Variants in NALCN observed in about 807,000 individuals in gnomAD.
NALCN encodes the protein sodium leak channel NALCN.
A neutral mutation model predicts 225.3 loss-of-function variants in NALCN; 111 were observed. That is an observed-to-expected ratio of 0.49 (90% CI 0.42 to 0.58). The LOEUF (loss-of-function observed/expected upper bound fraction) is 0.58. Ranked by LOEUF, NALCN falls within the 20% of genes least tolerant of loss-of-function variation. NALCN has a pLI of 0.00. For synonymous variants in NALCN, 764 were observed against 769.0 expected (o/e 0.99, Z 0.11); for missense variants, 1,378 against 2,202.4 (o/e 0.63, Z 7.49).
chr13:101,059,926 C>G lies in NALCN; in HGVS notation c.4797G>C (p.Glu1599Asp). Reference sequence around the variant, plus strand: ...ACCGGCTCAGCTCTTGCTGCTGACTCTCTCTCAGGCTGTGGATGATACTGC... The same window carrying G: ...ACCGGCTCAGCTCTTGCTGCTGACTGTCTCTCAGGCTGTGGATGATACTGC... ...QSCSIIHSLR[E>D]SQQQELSRFL... Residue 1599 changes from glutamate (E) to aspartate (D), a missense_variant, in exon 42 of 44, where the codon GAG (glutamate) becomes GAC (aspartate). Physicochemically the swap from Glu to Asp is conservative, Grantham distance 45. Transcript: ENST00000251127. 6 of 1,614,058 alleles carry G rather than the reference C, an allele frequency of 3.7e-6. No homozygotes were observed. The highest frequency in any genetic ancestry group is 5.1e-6 in the Non-Finnish European group (6 of 1,180,016).
chr13:101,100,503 T>G (rs1293829046), intron 27 of NALCN, among the ~76,000 whole-genome samples: 2 of 152,172 alleles, frequency 1.3e-5, no homozygotes, highest in Non-Finnish European at 2.9e-5. Flanking sequence ...TCTTAGGGTT[T>G]TATAGGGAGT....
At chr13:101,117,302 G>T (rs1259001322) in intron 18 of NALCN, among the ~76,000 whole-genome samples, 1 of 152,170 alleles carries the variant, frequency 6.6e-6, no homozygotes, top group Non-Finnish European at 1.5e-5. Context: ...TGCCTTTCGT[G>T]CATCTATTAA....
At chr13:101,272,128 T>C (rs1344276396) in intron 10 of NALCN, among the ~76,000 whole-genome samples, 3 of 151,608 alleles carry the variant, frequency 2.0e-5, no homozygotes, top group African/African-American at 4.8e-5. Flanking sequence ...TGTGTGTGTT[T>C]GAGGTGTGTG....
At chr13:101,290,682 G>A (rs964832766) in intron 9 of NALCN, among the ~76,000 whole-genome samples, 8 of 152,200 alleles carry the variant, frequency 5.3e-5, no homozygotes, top group African/African-American at 1.7e-4. Context: ...ACACCACCAG[G>A]CTTTTCCCAA....
intron 22 of NALCN, 139 bp downstream of exon 22, chr13:101,107,348 G>A: frequency 7.0e-7 from 1 of 1,419,322 alleles, no homozygotes; most frequent in Non-Finnish European, 9.5e-7. Context: ...GTTCAGCAAA[G>A]AGGAGCAGCA....
chr13:101,078,584 A>C (rs570120367), intron 34 of NALCN, among the ~76,000 whole-genome samples: 15 of 152,176 alleles, frequency 9.9e-5, no homozygotes, highest in Non-Finnish European at 2.2e-4. Flanking sequence ...TCCCATTTGG[A>C]ATGGGTATAT....
chr13:101,107,454 G>T (rs759236123), intron 22 of NALCN, 33 bp downstream of exon 22: 101 of 1,613,190 alleles, frequency 6.3e-5, no homozygotes, highest in Middle Eastern at 3.5e-4. Context: ...CATGGCTCAG[G>T]CCAAACACCT....
chr13:101,376,653 T>A (rs773436652), intron 6 of NALCN, 47 bp downstream of exon 6: 3 of 1,552,964 alleles, frequency 1.9e-6, no homozygotes, highest in South Asian at 1.3e-5. Flanking sequence ...TACAGAGATA[T>A]CTTTGTTAAT....
intron 40 of NALCN, among the ~76,000 whole-genome samples, chr13:101,064,559 TACACAC>T (rs57799563): frequency 1.3e-5 from 2 of 148,188 alleles, no homozygotes; most frequent in South Asian, 4.3e-4. Flanking sequence ...TGAACATAGA[TACACAC>T]ACACACACAC....
chr13:101,079,104 G>A (rs1029134668), intron 34 of NALCN, among the ~76,000 whole-genome samples: 10 of 152,216 alleles, frequency 6.6e-5, no homozygotes, highest in African/African-American at 2.2e-4. Context: ...TCCCAGCCAT[G>A]TGGAACTTTG....
In NALCN at chr13:101,111,130, C is replaced by T. The variant is rs1253207917; in HGVS notation, c.2289G>A (p.Glu763=). The T allele has an allele frequency of 1.2e-6, 2 of 1,605,826 alleles. No individual in the cohort carries two copies. Among genetic ancestry groups the T allele is most frequent in the Non-Finnish European group, 1.7e-6 (2 of 1,173,776 alleles). The change falls in exon 19 of 44, where the codon GAG becomes GAA. Residue 763 remains glutamate (E), a synonymous_variant. Coordinates refer to ENST00000251127, the MANE Select transcript of NALCN (RefSeq NM_052867.4). ...ILSVQHHIRQ[E]RRSLRHGSNS... ...CTGTCTTCCCAAGTATTTACCTGCGCTCTTGGCGGATATGATGCTGCACGC... is the reference window on the plus strand; with the variant it reads ...CTGTCTTCCCAAGTATTTACCTGCGTTCTTGGCGGATATGATGCTGCACGC...
intron 17 of NALCN, among the ~76,000 whole-genome samples, chr13:101,126,585 T>C (rs181904054): frequency 3.0e-4 from 46 of 151,970 alleles, no homozygotes; most frequent in Middle Eastern, 3.4e-3. Context: ...TTCCACCTCC[T>C]GGGTTCAAGC....
intron 14 of NALCN, among the ~76,000 whole-genome samples, chr13:101,189,388 T>C (rs1182960872): frequency 1.3e-5 from 2 of 152,204 alleles, no homozygotes; most frequent in African/African-American, 4.8e-5. Context: ...TTTATTAATA[T>C]ATGGCTTTAA....
intron 13 of NALCN, among the ~76,000 whole-genome samples, chr13:101,223,869 G>C (rs1440965475): frequency 1.3e-5 from 2 of 151,944 alleles, no homozygotes; most frequent in Non-Finnish European, 2.9e-5. Context: ...CATACCATCT[G>C]CCATTTCATT....
chr13:101,104,783 C>A lies in NALCN; in HGVS notation c.2636+111G>T. 1.3e-6 allele frequency: 2 copies of A among 1,546,668 alleles called. No individual in the cohort carries two copies. The highest frequency in any genetic ancestry group is 1.8e-6 in the Non-Finnish European group (2 of 1,127,166). On this transcript the variant is annotated intron_variant, in intron 23 of 43. Transcript: ENST00000251127. The surrounding 1 kb of genome is among the most constrained non-coding windows in gnomAD (Gnocchi z 4.2). ...AACATCATTCCCCAATCATCTATTTCATAGCACTATATAGCAAGAAAATAA... is the reference window on the plus strand; with the variant it reads ...AACATCATTCCCCAATCATCTATTTAATAGCACTATATAGCAAGAAAATAA...
chr13:101,116,560 C>T lies in NALCN; in HGVS notation c.2193-5334G>A, dbSNP rs554554725. The T allele has an allele frequency of 3.9e-6, 2 of 515,398 alleles. 1 individual carries two copies. Among genetic ancestry groups the T allele is most frequent in the South Asian group, 2.8e-5 (2 of 70,806 alleles). 31.9% of individuals were successfully genotyped at this position (515,398 alleles called of 1,614,324 possible). On this transcript the variant is annotated intron_variant, in intron 18 of 43. Coordinates refer to ENST00000251127, the MANE Select transcript of NALCN (RefSeq NM_052867.4). ...TCTCCATGTCTTCTTTCTTAATGTC[C>T]CAGAACAAGGGTGTGGAAAAAGCCT... is the stretch of plus-strand genomic sequence containing the variant.
At chr13:101,273,032 C>T (rs114710833) in intron 10 of NALCN, among the ~76,000 whole-genome samples, 1 of 152,170 alleles carries the variant, frequency 6.6e-6, no homozygotes, top group Non-Finnish European at 1.5e-5. Context: ...AGGAGGCACG[C>T]GGTGGAATAT....
intron 30 of NALCN, among the ~76,000 whole-genome samples, chr13:101,086,721 A>G (rs752462634): frequency 6.6e-6 from 1 of 151,962 alleles, no homozygotes; most frequent in African/African-American, 2.4e-5. Flanking sequence ...ATCTTTCACT[A>G]TGATTTTGGA....
intron 7 of NALCN, among the ~76,000 whole-genome samples, chr13:101,293,031 T>G (rs1348496633): frequency 1.3e-5 from 2 of 152,226 alleles, no homozygotes; most frequent in East Asian, 3.8e-4. Context: ...TAAGAGAACC[T>G]AAAATGCCAT....
Sources: allele counts gnomAD v4.1 joint callset (sites outside exome capture counted in the v4.1 genomes callset), GRCh38; gene constraint gnomAD v4.1.1; non-coding constraint Gnocchi (gnomAD v3.1); transcripts MANE v1.5; gene names NCBI Gene and HGNC (gene_info 2026-07-23, HGNC 2026-07-21).